The following IQCH variants were observed in gnomAD, a reference collection of about 807,000 sequenced individuals.
IQCH encodes the protein IQ domain-containing protein H.
IQCH carries 98 observed loss-of-function variants against 117.0 expected under a neutral mutation model. That is an observed-to-expected ratio of 0.84 (90% CI 0.71 to 0.99). IQCH has a LOEUF of 0.99. Ranked by LOEUF, IQCH falls within the 50% of genes least tolerant of loss-of-function variation. IQCH has a pLI of 0.00. For synonymous variants in IQCH, 412 were observed against 448.2 expected, an observed-to-expected ratio of 0.92 and a Z score of 1.02; for missense variants, 1,102 against 1,243.8, an observed-to-expected ratio of 0.89 and a Z score of 1.72.
rs1158116727 is a variant in IQCH, at chr15:67,279,345, A to G, written c.270-50A>G. On this transcript the variant is annotated intron_variant, in intron 3 of 20. Transcript: ENST00000335894. ...ATTGTTTTAAAATTACAATTTGAAA[A>G]GCTTTTAAAATAGCAAATTTGATTT... 4.2e-6 allele frequency: 4 copies of G among 957,886 alleles called. No individual in the cohort carries two copies. In the East Asian group the frequency reaches 7.5e-5, roughly 18 times the overall value. 59.3% of individuals were successfully genotyped at this position (957,886 alleles called of 1,614,324 possible).
Position 67,458,684 on chromosome 15 carries a change from C to T in IQCH, c.2506-6443C>T, listed in dbSNP as rs1322873955. 6.6e-6 allele frequency among the ~76,000 whole-genome samples: 1 copy of T among 152,218 alleles called. No homozygotes were observed. Among genetic ancestry groups the T allele is most frequent in the African/African-American group, 2.4e-5 (1 of 41,456 alleles). ...GGCCTACCCATGGCTGTATTCTCTA[C>T]CAACCAGAGGAGCTGGGCAGGTGAC... is the stretch of plus-strand genomic sequence containing the variant. On this transcript the variant is annotated intron_variant, in intron 16 of 20. Coordinates refer to ENST00000335894, the MANE Select transcript of IQCH (RefSeq NM_001031715.3). The surrounding 1 kb of genome is among the most constrained non-coding windows in gnomAD (Gnocchi z 4.1).
In IQCH at chr15:67,400,245, A is replaced by G; in HGVS notation, c.2037A>G (p.Lys679=). 1.9e-6 allele frequency: 3 copies of G among 1,613,742 alleles called. No individual in the cohort carries two copies. Among genetic ancestry groups the G allele is most frequent in the Non-Finnish European group, 2.5e-6 (3 of 1,179,738 alleles). ...TTCCTTCCTACCTAAAGTGCTACAA[A>G]TGGGTGCTAAAGGAGAGTAGCAGAT... ...CDIPSYLKCY[K]WVLKESSRYG... The change falls in exon 14 of 21, where the codon AAA becomes AAG. Residue 679 remains lysine, a synonymous_variant. Coordinates refer to ENST00000335894, the MANE Select transcript of IQCH (RefSeq NM_001031715.3).
In IQCH at chr15:67,282,794, C is replaced by T. The variant is rs986693642; in HGVS notation, c.387+3282C>T. ...GTCACTTCTTTAAGCTCTCTCTCAC[C>T]AAAAGTGGATAGCTGTTTTTGAAAT... On this transcript the variant is annotated intron_variant, in intron 4 of 20. Transcript: ENST00000335894. 4.6e-5 allele frequency among the ~76,000 whole-genome samples: 7 copies of T among 152,096 alleles called. No homozygotes were observed. The South Asian group carries it at 1.5e-3, about 32-fold the overall frequency.
rs547239313 is a variant in IQCH, at chr15:67,366,123, T to C, written c.754-5988T>C. ...TTTTTGAGGCTTGCTCTTTTTCCCA[T>C]ACGTGTAGAGAAAATTATGATGTGT... On this transcript the variant is annotated intron_variant, in intron 8 of 20. Transcript: ENST00000335894. The surrounding 1 kb of genome is among the most constrained non-coding windows in gnomAD (Gnocchi z 4.4). Among the ~76,000 whole-genome samples the C allele has an allele frequency of 6.6e-6, 1 of 152,296 alleles. No individual in the cohort carries two copies. Among genetic ancestry groups the C allele is most frequent in the East Asian group, 1.9e-4 (1 of 5,180 alleles).
Position 67,370,984 on chromosome 15 carries a change from T to G in IQCH, c.754-1127T>G, listed in dbSNP as rs1970511049. On this transcript the variant is annotated intron_variant, in intron 8 of 20. Coordinates refer to ENST00000335894, the MANE Select transcript of IQCH (RefSeq NM_001031715.3). This position sits in a 1 kb window ranked among gnomAD's most constrained non-coding sequence, Gnocchi z 5.6. ...TGCTGGGGGGGGTTTTCTTTGAGTT[T>G]TTTGAAAACTCTTCAAAATGCGAAG... Among the ~76,000 whole-genome samples, 1 of 152,176 alleles carries G rather than the reference T, an allele frequency of 6.6e-6. No individual in the cohort carries two copies. The highest frequency in any genetic ancestry group is 2.4e-5 in the African/African-American group (1 of 41,434).
chr15:67,304,664 A>T (rs756662510), intron 4 of IQCH, among the ~76,000 whole-genome samples: 5 of 152,106 alleles, frequency 3.3e-5, no homozygotes, highest in Admixed American at 2.0e-4. Context: ...TTTGTAGCTC[A>T]TTCAGATTTC....
Position 67,446,190 on chromosome 15 carries a change from T to C in IQCH, c.2506-18937T>C, listed in dbSNP as rs56881022. Among the ~76,000 whole-genome samples, 1,217 of 152,348 alleles carry C rather than the reference T, an allele frequency of 8.0e-3. 12 individuals carry two copies. Among genetic ancestry groups the C allele is most frequent in the African/African-American group, 0.028 (1,163 of 41,570 alleles). On this transcript the variant is annotated intron_variant, in intron 16 of 20. Transcript: ENST00000335894. The stretch of plus-strand genomic sequence containing the variant: ...GAGGGAAAGCACCAATGTATATATT[T>C]TATATTTTTTATTCACTTGTTAAAG...
intron 4 of IQCH, among the ~76,000 whole-genome samples, chr15:67,305,154 T>A (rs937780880): frequency 3.3e-5 from 5 of 152,110 alleles, no homozygotes; most frequent in African/African-American, 1.2e-4. Context: ...ACATCTCTAT[T>A]TTTTTAAATA....
intron 18 of IQCH, among the ~76,000 whole-genome samples, chr15:67,480,591 T>C (rs2141061617): frequency 6.6e-6 from 1 of 152,268 alleles, no homozygotes; most frequent in Non-Finnish European, 1.5e-5. Flanking sequence ...TATACTGAAA[T>C]TAGTATCAAA....
chr15:67,368,502 A>G (rs905480062), intron 8 of IQCH, among the ~76,000 whole-genome samples: 15 of 152,260 alleles, frequency 9.9e-5, no homozygotes, highest in African/African-American at 3.4e-4. Context: ...CATTCCATTC[A>G]TATTCTAAAT....
chr15:67,315,925 G>A (rs1365575155), intron 4 of IQCH, among the ~76,000 whole-genome samples: 1 of 152,060 alleles, frequency 6.6e-6, no homozygotes. Context: ...AACCCTGCCT[G>A]GAACAAACAG....
At chr15:67,344,280 C>T in intron 6 of IQCH, 89 bp downstream of exon 6, 1 of 1,206,554 alleles carries the variant, frequency 8.3e-7, no homozygotes, top group Non-Finnish European at 1.2e-6. Context: ...AACTTTTGTC[C>T]TCAATAATAG....
At position 67,404,429 on chromosome 15, in the gene IQCH, C is replaced by T. The variant is rs1374175617; in HGVS notation, c.2097+4124C>T. The T allele has an allele frequency of 2.0e-5, 3 of 152,088 alleles. No individual in the cohort carries two copies. The highest frequency in any genetic ancestry group is 1.3e-4 in the Admixed American group (2 of 15,254). The allele number at this position is 152,088 out of a possible 1,614,324, so 9.4% of individuals were successfully genotyped here. On this transcript the variant is annotated intron_variant, in intron 14 of 20. Transcript: ENST00000335894. The surrounding 1 kb of genome is among the most constrained non-coding windows in gnomAD (Gnocchi z 4.6). ...TGCAGGATGGCAGAGCTCGTTGTCC[C>T]GTCTAGAATTTAGTAGGTATTTATT... is the stretch of plus-strand genomic sequence containing the variant.
At position 67,473,991 on chromosome 15, in the gene IQCH, T is replaced by A. The variant is rs2083136656; in HGVS notation, c.2677-1705T>A. On this transcript the variant is annotated intron_variant, in intron 17 of 20. Transcript: ENST00000335894. This position sits in a 1 kb window ranked among gnomAD's most constrained non-coding sequence, Gnocchi z 4.9. The stretch of plus-strand genomic sequence containing the variant: ...TGTGACCTTCGGACACAGGACTTGA[T>A]GTAAATGTTGAAGAAAAACATGCTC... Among the ~76,000 whole-genome samples, 1 of 151,758 alleles carries A rather than the reference T, an allele frequency of 6.6e-6. No individual in the cohort carries two copies. The highest frequency in any genetic ancestry group is 6.6e-5 in the Admixed American group (1 of 15,230).
At chr15:67,316,768 A>G in intron 4 of IQCH, among the ~76,000 whole-genome samples, 1 of 152,224 alleles carries the variant, frequency 6.6e-6, no homozygotes, top group East Asian at 1.9e-4. Context: ...ACAAGCTAAA[A>G]GTCAAAGGAT....
At position 67,376,702 on chromosome 15, in the gene IQCH, T is replaced by C. The variant is rs557510218; in HGVS notation, c.1372+3269T>C. Among the ~76,000 whole-genome samples, 39 of 152,232 alleles carry C rather than the reference T, an allele frequency of 2.6e-4. No individual in the cohort carries two copies. Among genetic ancestry groups the C allele is most frequent in the Admixed American group, 1.8e-3 (27 of 15,280 alleles). ...ATAATTGCATTTTCCAAACTGGTGA[T>C]CACAGAAAGGATGGCCTTTCAGTAA... On this transcript the variant is annotated intron_variant, in intron 10 of 20. Transcript: ENST00000335894. This position sits in a 1 kb window ranked among gnomAD's most constrained non-coding sequence, Gnocchi z 5.0.
rs1307147456 is a variant in IQCH at position 67,357,366 on chromosome 15, A to T, written c.659A>T (p.Glu220Val). Reference sequence around the variant, plus strand: ...ACAGCCACTTTCACTATACCTCGGGAACCACCTCCATCTCCAGCAGAAGTG... The same window carrying T: ...ACAGCCACTTTCACTATACCTCGGGTACCACCTCCATCTCCAGCAGAAGTG... ...PTVATFTIPREPPPSPAEVKF... is the reference protein window; with the variant it reads ...PTVATFTIPRVPPPSPAEVKF... Residue 220 changes from glutamate to valine, a missense_variant, in exon 7 of 21, where the codon GAA becomes GTA. This residue lies in a region of IQCH where 452 missense variants were observed against 449.6 expected (regional missense o/e 1.01). Transcript: ENST00000335894. The T allele has an allele frequency of 2.5e-6, 4 of 1,610,792 alleles. No individual in the cohort carries two copies. In the South Asian group the frequency reaches 4.4e-5, roughly 18 times the overall value.
rs1289703877 is a variant in IQCH at position 67,463,981 on chromosome 15, T to TAC, written c.2506-1144_2506-1143dup. Among the ~76,000 whole-genome samples the TAC allele has an allele frequency of 6.6e-6, 1 of 152,202 alleles. No homozygotes were observed. Among genetic ancestry groups the TAC allele is most frequent in the African/African-American group, 2.4e-5 (1 of 41,458 alleles). ...CCTCAGCCTCCCAAGTATCTGAGAT[T>TAC]ACAGGCGCACGCCACCTTGCCCAGC... On this transcript the variant is annotated intron_variant, in intron 16 of 20. Transcript: ENST00000335894. The surrounding 1 kb of genome is among the most constrained non-coding windows in gnomAD (Gnocchi z 4.0).
Position 67,465,047 on chromosome 15 carries a change from T to C in IQCH, c.2506-80T>C. The C allele has an allele frequency of 7.5e-7, 1 of 1,326,492 alleles. No individual in the cohort carries two copies. The allele number at this position is 1,326,492 out of a possible 1,614,324, so 82.2% of individuals were successfully genotyped here. A position where few individuals can be genotyped will look rare whatever the true frequency, so the allele number is the denominator to read the frequency against. ...TGGTTTCACTTAGTCTGATGTAGTT[T>C]GGTCTGGTTAGGCAGAGGTGGGGCC... On this transcript the variant is annotated intron_variant, in intron 16 of 20. Transcript: ENST00000335894. The surrounding 1 kb of genome is among the most constrained non-coding windows in gnomAD (Gnocchi z 5.9).
Sources: gnomAD v4.1 joint callset for allele counts (sites outside exome capture counted in the v4.1 genomes callset) on GRCh38, gnomAD v4.1.1 for gene constraint, gnomAD v4.1.1 regional missense constraint, Gnocchi (gnomAD v3.1) non-coding constraint, MANE v1.5 for transcripts, NCBI Gene and HGNC (gene_info 2026-07-23, HGNC 2026-07-21) for gene names.